The following DYNC1I1 variants were observed in gnomAD, a reference collection of about 807,000 sequenced individuals.
DYNC1I1 encodes dynein cytoplasmic 1 intermediate chain 1.
DYNC1I1 carries 43 observed loss-of-function variants against 86.6 expected under a neutral mutation model. The ratio of observed to expected loss-of-function variants is 0.50; its 90% CI spans 0.39 to 0.64. DYNC1I1 has a LOEUF of 0.64. Among genes scored for constraint, DYNC1I1 ranks in the 30% least tolerant of loss-of-function variants. The probability of loss-of-function intolerance (pLI) is 0.00; values close to 1 mark genes in which losing one functional copy is unlikely to be tolerated. For synonymous variants in DYNC1I1, 262 were observed against 283.7 expected (o/e 0.92, Z 0.77); for missense variants, 604 against 788.8 (o/e 0.77, Z 2.81).
intron 14 of DYNC1I1, among the ~76,000 whole-genome samples, chr7:96,049,130 T>C (rs1253932523): frequency 2.6e-5 from 4 of 151,558 alleles, no homozygotes; most frequent in Admixed American, 2.0e-4. Flanking sequence ...TGGTGGCGGG[T>C]GCCTGTAGTC....
At chr7:95,883,411 A>G (rs1790507396) in intron 6 of DYNC1I1, among the ~76,000 whole-genome samples, 1 of 152,202 alleles carries the variant, frequency 6.6e-6, no homozygotes, top group Non-Finnish European at 1.5e-5. Context: ...AGCTGCCTCC[A>G]GTTAGTATGC....
rs550578066 is a variant in DYNC1I1 at position 95,844,091 on chromosome 7, TAAG to T, written c.374+15980_374+15982del. ...TCCAGAAGATGGGCTGAGAACAACA[TAAG>T]AAGAGCAGGGCTGGGAGAGAAGAAA... On this transcript the variant is annotated intron_variant, in intron 5 of 16. Transcript: ENST00000447467. Among the ~76,000 whole-genome samples the T allele has an allele frequency of 2.6e-3, 400 of 152,244 alleles. 2 individuals carry two copies. The highest frequency in any genetic ancestry group is 8.3e-3 in the East Asian group (43 of 5,172).
intron 10 of DYNC1I1, among the ~76,000 whole-genome samples, chr7:96,004,811 G>A (rs893483919): frequency 6.6e-5 from 10 of 152,166 alleles, no homozygotes; most frequent in African/African-American, 4.8e-5. Context: ...GCAAAACCAT[G>A]CCTCTCCAGA....
chr7:95,989,920 G>T (rs1793689350), intron 9 of DYNC1I1, among the ~76,000 whole-genome samples: 1 of 152,056 alleles, frequency 6.6e-6, no homozygotes, highest in African/African-American at 2.4e-5. Context: ...ACTTTTTGAT[G>T]GATTTAGATG....
chr7:96,084,494 C>G (rs554329546), intron 16 of DYNC1I1, among the ~76,000 whole-genome samples: 17 of 138,184 alleles, frequency 1.2e-4, no homozygotes, highest in Non-Finnish European at 2.1e-4. Context: ...GGCTGGAGTG[C>G]AATGGCACAC....
chr7:95,829,328 C>A (rs1795270192), intron 5 of DYNC1I1, among the ~76,000 whole-genome samples: 3 of 152,086 alleles, frequency 2.0e-5, no homozygotes, highest in Admixed American at 2.0e-4. Context: ...AAGGAAATAT[C>A]CTAACATTTA....
intron 14 of DYNC1I1, among the ~76,000 whole-genome samples, chr7:96,059,543 C>T (rs75508165): frequency 0.049 from 7,485 of 151,834 alleles, 264 homozygotes; most frequent in African/African-American, 0.1. Flanking sequence ...AATTTGCAAC[C>T]ATGGAATCCA....
At chr7:95,898,580 T>G (rs1208318795) in intron 6 of DYNC1I1, among the ~76,000 whole-genome samples, 2 of 152,148 alleles carry the variant, frequency 1.3e-5, no homozygotes, top group Admixed American at 6.5e-5. Flanking sequence ...GTGGGTAAAA[T>G]AGTAGGCAGT....
At chr7:95,939,008 A>G (rs566916256) in intron 6 of DYNC1I1, among the ~76,000 whole-genome samples, 82 of 152,084 alleles carry the variant, frequency 5.4e-4, no homozygotes, top group African/African-American at 1.9e-3. Flanking sequence ...CTTTGTTCTC[A>G]TTGGTTTCAA....
chr7:95,939,238 AG>A (rs1234150969), intron 6 of DYNC1I1, among the ~76,000 whole-genome samples: 1 of 152,184 alleles, frequency 6.6e-6, no homozygotes, highest in African/African-American at 2.4e-5. Context: ...ATTTTGAAAT[AG>A]GTGTGGTGTG....
At position 95,945,646 on chromosome 7, in the gene DYNC1I1, G is replaced by A. The variant is rs183148782; in HGVS notation, c.491-31866G>A. Among the ~76,000 whole-genome samples, 18 of 152,234 alleles carry A rather than the reference G, an allele frequency of 1.2e-4. No individual in the cohort carries two copies. The East Asian group carries it at 3.1e-3, about 26-fold the overall frequency. On this transcript the variant is annotated intron_variant, in intron 6 of 16. Transcript: ENST00000447467. ...TCAGTTCACAGCATTCACTTTTTTAGCATTAAACATCAGGTATTTTATGAC... is the reference window on the plus strand; with the variant it reads ...TCAGTTCACAGCATTCACTTTTTTAACATTAAACATCAGGTATTTTATGAC...
chr7:95,882,202 A>T (rs1453348985), intron 6 of DYNC1I1, among the ~76,000 whole-genome samples: 1 of 152,178 alleles, frequency 6.6e-6, no homozygotes, highest in Non-Finnish European at 1.5e-5. Flanking sequence ...ATAAAATGAC[A>T]AAATGGTTGG....
chr7:95,971,727 G>A lies in DYNC1I1; in HGVS notation c.491-5785G>A, dbSNP rs768791774. ...GTGTTATAGTTTAATAGCAGTAATC[G>A]TCTTTCTCAGTGGTATATAAAATAA... On this transcript the variant is annotated intron_variant, in intron 6 of 16. Coordinates refer to ENST00000447467, the MANE Select transcript of DYNC1I1 (RefSeq NM_001135556.2). Among the ~76,000 whole-genome samples the A allele has an allele frequency of 3.9e-5, 6 of 152,170 alleles. No homozygotes were observed. The East Asian group carries it at 9.6e-4, about 24-fold the overall frequency.
In DYNC1I1 at chr7:95,984,799, A is replaced by T; in HGVS notation, c.581-16A>T. 1.3e-6 allele frequency: 2 copies of T among 1,557,216 alleles called. No homozygotes were observed. The highest frequency in any genetic ancestry group is 1.7e-6 in the Non-Finnish European group (2 of 1,159,500). ...TTCCCTAACAATCTCTTTTACAAAA[A>T]AATAAATAAATAAAGCCCCTCCAAG... On this transcript the variant is annotated splice_polypyrimidine_tract_variant and intron_variant, in intron 7 of 16. Transcript: ENST00000447467.
chr7:95,850,947 CT>C (rs553207875), intron 5 of DYNC1I1, among the ~76,000 whole-genome samples: 128 of 150,378 alleles, frequency 8.5e-4, no homozygotes, highest in Non-Finnish European at 1.0e-3. Flanking sequence ...AATACCACAA[CT>C]TTTTTTTTTC....
chr7:95,888,298 G>A (rs552608488), intron 6 of DYNC1I1, among the ~76,000 whole-genome samples: 12 of 152,208 alleles, frequency 7.9e-5, no homozygotes, highest in Non-Finnish European at 8.8e-5. Context: ...CTAGCTGAAC[G>A]TGGTAGTGCA....
chr7:96,094,252 T>G (rs779098767), intron 16 of DYNC1I1, among the ~76,000 whole-genome samples: 20 of 152,328 alleles, frequency 1.3e-4, no homozygotes, highest in Admixed American at 9.2e-4. Context: ...TGAATGAGTA[T>G]TGAATACATT....
intron 5 of DYNC1I1, among the ~76,000 whole-genome samples, chr7:95,836,135 G>A (rs577343773): frequency 1.8e-3 from 267 of 152,070 alleles, no homozygotes; most frequent in Non-Finnish European, 3.3e-3. Flanking sequence ...CATGTTTAGC[G>A]CTTCCTTCAG....
intron 10 of DYNC1I1, among the ~76,000 whole-genome samples, chr7:96,024,603 C>G (rs1205398176): frequency 6.6e-6 from 1 of 151,948 alleles, no homozygotes; most frequent in Admixed American, 6.6e-5. Context: ...TTTAATAATG[C>G]TTTATTATAA....
Sources: allele counts gnomAD v4.1 joint callset (sites outside exome capture counted in the v4.1 genomes callset), GRCh38; gene constraint gnomAD v4.1.1; transcripts MANE v1.5; gene names NCBI Gene and HGNC (gene_info 2026-07-23, HGNC 2026-07-21).